LRPPRC: variants seen among roughly 807,000 people sequenced by gnomAD.
LRPPRC encodes leucine-rich PPR motif-containing protein, mitochondrial.
Under a neutral mutation model 180.3 loss-of-function variants are expected in LRPPRC, and 120 were observed. The observed-to-expected ratio is 0.67, with a 90% CI of 0.57 to 0.77. The LOEUF is 0.77. LRPPRC is among the 30% of genes least tolerant of loss of function. The probability of loss-of-function intolerance (pLI) is 0.00; values close to 1 mark genes in which losing one functional copy is unlikely to be tolerated. For missense variants in LRPPRC, 2,012 were observed against 1,657.2 expected, an observed-to-expected ratio of 1.21 and a Z score of -3.72; for synonymous variants, 723 against 600.0, an observed-to-expected ratio of 1.21 and a Z score of -3.00.
chr2:43,899,181 C>T (rs1670798209), intron 34 of LRPPRC, 38 bp downstream of exon 34: 1 of 1,406,478 alleles, frequency 7.1e-7, no homozygotes, highest in South Asian at 1.2e-5. Flanking sequence ...TTCTTGCAAG[C>T]CTCGAGCCCC....
chr2:43,971,485 T>TAAAAAAAAAAAAAAAAAAAAAA (rs528659622), intron 11 of LRPPRC, among the ~76,000 whole-genome samples: 12 of 62,380 alleles, frequency 1.9e-4, no homozygotes, highest in African/African-American at 4.8e-4. Context: ...TGTGTCACAG[T>TAAAAAAAAAAAAAAAAAAAAAA]AAAAAAAAAA....
chr2:43,948,764 A>G (rs1672790138), intron 16 of LRPPRC, among the ~76,000 whole-genome samples: 1 of 152,082 alleles, frequency 6.6e-6, no homozygotes, highest in Admixed American at 6.6e-5. Context: ...TCTTACTTCA[A>G]TCTATTTTTT....
intron 29 of LRPPRC, among the ~76,000 whole-genome samples, chr2:43,913,807 GC>G (rs1671347114): frequency 6.6e-6 from 1 of 151,980 alleles, no homozygotes; most frequent in South Asian, 2.1e-4. Flanking sequence ...CAGGACACTG[GC>G]AAAAAACGGA....
intron 14 of LRPPRC, among the ~76,000 whole-genome samples, chr2:43,954,547 G>A (rs1673027411): frequency 6.6e-6 from 1 of 152,136 alleles, no homozygotes; most frequent in African/African-American, 2.4e-5. Context: ...ACTTTTTCTG[G>A]AAAAGTAGTA....
intron 25 of LRPPRC, among the ~76,000 whole-genome samples, chr2:43,933,929 T>C (rs575417490): frequency 6.6e-6 from 1 of 152,266 alleles, no homozygotes; most frequent in Non-Finnish European, 1.5e-5. Flanking sequence ...CAAGATTTAA[T>C]ATGCAAATAT....
chr2:43,959,328 T>C (rs1673245064), intron 13 of LRPPRC: 2 of 643,120 alleles, frequency 3.1e-6, no homozygotes, highest in South Asian at 3.5e-5. Context: ...TTTTTCATAC[T>C]GGACACTTTG....
chr2:43,913,318 A>T (rs759154666), intron 29 of LRPPRC, among the ~76,000 whole-genome samples: 1 of 152,186 alleles, frequency 6.6e-6, no homozygotes, highest in African/African-American at 2.4e-5. Context: ...CTGAAACTAC[A>T]ATCTACTCCC....
intron 23 of LRPPRC, among the ~76,000 whole-genome samples, chr2:43,939,100 G>C (rs183829426): frequency 2.2e-5 from 3 of 138,124 alleles, no homozygotes; most frequent in Non-Finnish European, 4.6e-5. Flanking sequence ...GTGAAACCCC[G>C]TCTCCACTAA....
Position 43,918,022 on chromosome 2 carries a change from T to G in LRPPRC, c.3148+3A>C. On this transcript the variant is annotated splice_donor_region_variant and intron_variant, in intron 29 of 37. Transcript: ENST00000260665. ...ACACACCCCCATCCCCGTATGTGCT[T>G]GCCTTTTTTTTGGTTCAATCGGCAG... The G allele has an allele frequency of 6.6e-7, 1 of 1,506,926 alleles. No individual in the cohort carries two copies. Among genetic ancestry groups the G allele is most frequent in the Non-Finnish European group, 9.1e-7 (1 of 1,094,070 alleles). The allele number at this position is 1,506,926 out of a possible 1,614,324, so 93.3% of individuals were successfully genotyped here. A position where few individuals can be genotyped will look rare whatever the true frequency, so the allele number is the denominator to read the frequency against.
chr2:43,907,324 A>C (rs1203105911), intron 30 of LRPPRC, among the ~76,000 whole-genome samples: 5 of 152,238 alleles, frequency 3.3e-5, no homozygotes, highest in Admixed American at 3.3e-4. Flanking sequence ...GACCAATTAC[A>C]ACCAAAACAG....
At chr2:43,935,889 G>T (rs1188633413) in intron 23 of LRPPRC, among the ~76,000 whole-genome samples, 1 of 152,036 alleles carries the variant, frequency 6.6e-6, no homozygotes, top group African/African-American at 2.4e-5. Flanking sequence ...AAGGAGGGCG[G>T]ATCACCTGAG....
chr2:43,928,691 C>T (rs1432289013), intron 25 of LRPPRC, among the ~76,000 whole-genome samples: 1 of 151,810 alleles, frequency 6.6e-6, no homozygotes, highest in African/African-American at 2.4e-5. Context: ...TTCAAGGCTG[C>T]GGTGTGTTAT....
At chr2:43,947,811 A>G in intron 18 of LRPPRC, 36 bp from the exon 19 acceptor site, 2 of 1,351,322 alleles carry the variant, frequency 1.5e-6, no homozygotes, top group Non-Finnish European at 2.1e-6. Context: ...AGAATTAGAA[A>G]ACACACGTAA....
At chr2:43,992,537 AC>A (rs1674828241) in intron 1 of LRPPRC, among the ~76,000 whole-genome samples, 1 of 152,220 alleles carries the variant, frequency 6.6e-6, no homozygotes, top group African/African-American at 2.4e-5. Flanking sequence ...GGGAGCCACC[AC>A]AATGCTTAAG....
rs1185365389 is a variant in LRPPRC at position 43,888,530 on chromosome 2, G to T, written c.*70C>A. 11 of 983,194 alleles carry T rather than the reference G, an allele frequency of 1.1e-5. No homozygotes were observed. The highest frequency in any genetic ancestry group is 1.3e-5 in the Non-Finnish European group (8 of 611,236). 60.9% of individuals were successfully genotyped at this position (983,194 alleles called of 1,614,324 possible). On this transcript the variant is annotated 3_prime_UTR_variant, in exon 38 of 38. Transcript: ENST00000260665. ...AAAATTTTCATTTATTTTTCCCTCA[G>T]ATATACTTCAAAATAACATGTAGAC...
At chr2:43,950,851 C>A (rs1306947711) in intron 14 of LRPPRC, among the ~76,000 whole-genome samples, 1 of 152,198 alleles carries the variant, frequency 6.6e-6, no homozygotes, top group Non-Finnish European at 1.5e-5. Context: ...AGGTGGATCA[C>A]CTGAGGTCAG....
At chr2:43,991,079 G>C (rs554270015) in intron 1 of LRPPRC, among the ~76,000 whole-genome samples, 23 of 151,290 alleles carry the variant, frequency 1.5e-4, no homozygotes, top group Non-Finnish European at 2.8e-4. Context: ...ACTGAGGCTG[G>C]AGTGCAGTGG....
chr2:43,983,839 G>T (rs1056816995), intron 1 of LRPPRC, among the ~76,000 whole-genome samples: 1 of 152,078 alleles, frequency 6.6e-6, no homozygotes, highest in Admixed American at 6.6e-5. Flanking sequence ...TATATAAAAC[G>T]AGGCTGTAAT....
rs1159690775 is a variant in LRPPRC, at chr2:43,957,382, T to G, written c.1649+3A>C. ...CAAGGAACATTTAAGTTGATCATCT[T>G]ACCTCCTGAAGCCTAGCAGTAGGCT... On this transcript the variant is annotated splice_donor_region_variant and intron_variant, in intron 14 of 37. Transcript: ENST00000260665. 1 of 1,607,386 alleles carries G rather than the reference T, an allele frequency of 6.2e-7. No individual in the cohort carries two copies. Among genetic ancestry groups the G allele is most frequent in the Admixed American group, 1.7e-5 (1 of 60,020 alleles).
Sources: gnomAD v4.1 joint callset for allele counts (sites outside exome capture counted in the v4.1 genomes callset) on GRCh38, gnomAD v4.1.1 for gene constraint, MANE v1.5 for transcripts, NCBI Gene and HGNC (gene_info 2026-07-23, HGNC 2026-07-21) for gene names.